ZNF846: variants seen among roughly 807,000 people sequenced by gnomAD.
ZNF846 encodes zinc finger protein 420 pseudogene.
In ZNF846, 15 loss-of-function variants were observed where a neutral mutation model predicts 16.0. That is an observed-to-expected ratio of 0.94 (90% CI 0.63 to 1.45). The LOEUF (loss-of-function observed/expected upper bound fraction) is 1.45, where lower values mean the gene tolerates loss of function less well. Among genes scored for constraint, ZNF846 ranks in the 40% most tolerant of loss-of-function variants. The pLI, the probability that ZNF846 is intolerant of heterozygous loss-of-function variation, is 0.00. For missense variants in ZNF846, 714 were observed against 622.3 expected (o/e 1.15, Z -1.57); for synonymous variants, 229 against 212.0 (o/e 1.08, Z -0.70).
intron 1 of ZNF846, among the ~76,000 whole-genome samples, chr19:9,777,959 A>G (rs903638879): frequency 6.6e-6 from 1 of 152,256 alleles, no homozygotes; most frequent in African/African-American, 2.4e-5. Flanking sequence ...CAAACACTGG[A>G]CAAAGGAGAG....
At chr19:9,757,346 G>A, downstream of ZNF846, 4 of 729,158 alleles carry the variant, frequency 5.5e-6, no homozygotes, top group South Asian at 3.9e-5. Flanking sequence ...ACTGGGACTT[G>A]TGTCCATGTT....
At chr19:9,757,829 G>A in exon 6 of ZNF846, 1 of 1,613,360 alleles carries the variant, frequency 6.2e-7, no homozygotes, top group Non-Finnish European at 8.5e-7. Flanking sequence ...TCTCTCCAGT[G>A]TGAATCCTTA....
At chr19:9,757,820 C>G (rs751826707) in exon 6 of ZNF846, 2 of 1,613,032 alleles carry the variant, frequency 1.2e-6, no homozygotes, top group East Asian at 4.5e-5. Context: ...CATATGGCTT[C>G]TCTCCAGTGT....
downstream of ZNF846, among the ~76,000 whole-genome samples, chr19:9,753,098 C>T (rs980429597): frequency 6.6e-6 from 1 of 151,550 alleles, no homozygotes; most frequent in Non-Finnish European, 1.5e-5. Context: ...GGGTGTCTTC[C>T]ATGAGGGGGG....
chr19:9,764,829 G>T, intron 2 of ZNF846, 107 bp downstream of exon 2: 2 of 1,337,288 alleles, frequency 1.5e-6, no homozygotes, highest in Non-Finnish European at 2.1e-6. Context: ...TATTTCCTGA[G>T]CAGGACCATC....
At chr19:9,754,765 C>T (rs548678635), downstream of ZNF846, among the ~76,000 whole-genome samples, 54 of 151,358 alleles carry the variant, frequency 3.6e-4, 1 homozygote, top group African/African-American at 1.2e-3. Flanking sequence ...TCATTTCCTA[C>T]ATTACTGCCT....
chr19:9,783,621 G>T (rs1488487391), intron 1 of ZNF846, among the ~76,000 whole-genome samples: 1 of 146,102 alleles, frequency 6.8e-6, no homozygotes, highest in Non-Finnish European at 1.5e-5. Context: ...CACCAGGCTG[G>T]TCTCCAACTC....
At chr19:9,754,562 CTTAAAAAAAA>C (rs2045115142), downstream of ZNF846, among the ~76,000 whole-genome samples, 1 of 54,068 alleles carries the variant, frequency 1.8e-5, no homozygotes, top group Non-Finnish European at 2.9e-5. Flanking sequence ...GAGACTCTGT[CTTAAAAAAAA>C]AAAAAAAAAA....
downstream of ZNF846, among the ~76,000 whole-genome samples, chr19:9,755,324 G>A (rs147927056): frequency 5.5e-4 from 83 of 151,566 alleles, 1 homozygote; most frequent in East Asian, 0.014. Context: ...ATGACAAGTC[G>A]TCATGGACAG....
At chr19:9,769,287 C>G (rs977649554), upstream of ZNF846, among the ~76,000 whole-genome samples, 7 of 152,114 alleles carry the variant, frequency 4.6e-5, no homozygotes, top group South Asian at 4.2e-4. Context: ...TCACTGTGTT[C>G]CCTAGGCTGG....
intron 1 of ZNF846, among the ~76,000 whole-genome samples, chr19:9,765,748 C>T (rs1169113433): frequency 6.6e-6 from 1 of 152,004 alleles, no homozygotes; most frequent in African/African-American, 2.4e-5. Context: ...CATGGCATGC[C>T]TCCCAATTGT....
At chr19:9,764,901 A>C (rs775385894) in intron 2 of ZNF846, 35 bp downstream of exon 2, 12 of 1,613,592 alleles carry the variant, frequency 7.4e-6, no homozygotes, top group Non-Finnish European at 1.0e-5. Context: ...GGCTACAAGC[A>C]TAACATTTTG....
chr19:9,782,818 A>C (rs1177121519), intron 1 of ZNF846, among the ~76,000 whole-genome samples: 1 of 152,208 alleles, frequency 6.6e-6, no homozygotes, highest in Non-Finnish European at 1.5e-5. Flanking sequence ...GAAAGGAACA[A>C]ATGGCTTTCC....
chr19:9,771,717 A>G (rs1282418085), upstream of ZNF846, among the ~76,000 whole-genome samples: 1 of 151,094 alleles, frequency 6.6e-6, no homozygotes, highest in African/African-American at 2.4e-5. Context: ...GACTGGTTCC[A>G]TATTTTTACA....
intron 1 of ZNF846, chr19:9,774,993 C>G: frequency 6.3e-7 from 1 of 1,593,722 alleles, no homozygotes; most frequent in Non-Finnish European, 8.6e-7. Context: ...CAAGTGTAAG[C>G]AGAGGCCCCA....
upstream of ZNF846, among the ~76,000 whole-genome samples, chr19:9,773,091 T>C (rs2045401965): frequency 6.6e-6 from 1 of 152,122 alleles, no homozygotes; most frequent in Admixed American, 6.6e-5. Flanking sequence ...ATCCATTAAA[T>C]AATGCACCAT....
chr19:9,771,124 T>G (rs1243464513), upstream of ZNF846, among the ~76,000 whole-genome samples: 1 of 152,016 alleles, frequency 6.6e-6, no homozygotes, highest in Non-Finnish European at 1.5e-5. Flanking sequence ...CCCTCACCCT[T>G]CTCCCACCCT....
At chr19:9,753,506 G>T (rs960471489), downstream of ZNF846, among the ~76,000 whole-genome samples, 1 of 150,322 alleles carries the variant, frequency 6.7e-6, no homozygotes, top group Non-Finnish European at 1.5e-5. Flanking sequence ...CACCCACCTT[G>T]GCCTCCCAAA....
upstream of ZNF846, among the ~76,000 whole-genome samples, chr19:9,769,714 G>T (rs1054997712): frequency 6.6e-6 from 1 of 152,012 alleles, no homozygotes; most frequent in Non-Finnish European, 1.5e-5. Context: ...AGTGGCTCAC[G>T]CCTGTAATCC....
Sources: allele counts gnomAD v4.1 joint callset (sites outside exome capture counted in the v4.1 genomes callset), GRCh38; gene constraint gnomAD v4.1.1; transcripts MANE v1.5; gene names NCBI Gene and HGNC (gene_info 2026-07-23, HGNC 2026-07-21).